The following HS3ST3A1 variants were observed in gnomAD, a reference collection of about 807,000 sequenced individuals.
HS3ST3A1 encodes the protein heparan sulfate glucosamine 3-O-sulfotransferase 3A1.
A neutral mutation model predicts 25.7 loss-of-function variants in HS3ST3A1; 19 were observed. The ratio of observed to expected loss-of-function variants is 0.74; its 90% CI spans 0.52 to 1.08. The LOEUF (loss-of-function observed/expected upper bound fraction) is 1.08, where lower values mean the gene tolerates loss of function less well. Among genes scored for constraint, HS3ST3A1 ranks in the 50% least tolerant of loss-of-function variants. The pLI is 0.00. For missense variants in HS3ST3A1, 459 were observed against 594.3 expected (o/e 0.77, Z 2.37); for synonymous variants, 226 against 278.6 (o/e 0.81, Z 1.88).
At chr17:13,556,947 A>G (rs1907397282) in intron 1 of HS3ST3A1, among the ~76,000 whole-genome samples, 1 of 152,196 alleles carries the variant, frequency 6.6e-6, no homozygotes, top group African/African-American at 2.4e-5. Context: ...ACCCAGCAGA[A>G]TATCCTCAGG....
chr17:13,521,700 A>G (rs950126950), intron 1 of HS3ST3A1, among the ~76,000 whole-genome samples: 2 of 152,200 alleles, frequency 1.3e-5, no homozygotes. Flanking sequence ...CTTCATATAG[A>G]CAAAAATTGC....
rs1033434291 is a variant in HS3ST3A1, at chr17:13,494,838, G to T, written c.*1359C>A. 1.3e-5 allele frequency among the ~76,000 whole-genome samples: 2 copies of T among 152,084 alleles called. No homozygotes were observed. Among genetic ancestry groups the T allele is most frequent in the African/African-American group, 4.8e-5 (2 of 41,404 alleles). ...GGATGGGCAGAAACAGACGAGAGAA[G>T]AGGAAAAGCCACCATTTTACCCACA... is the stretch of plus-strand genomic sequence containing the variant. On this transcript the variant is annotated 3_prime_UTR_variant, in exon 2 of 2. Coordinates refer to ENST00000284110, the MANE Select transcript of HS3ST3A1 (RefSeq NM_006042.3).
intron 1 of HS3ST3A1, among the ~76,000 whole-genome samples, chr17:13,569,052 T>C (rs1425610986): frequency 1.3e-5 from 2 of 152,160 alleles, no homozygotes; most frequent in Admixed American, 6.5e-5. Flanking sequence ...TTCTAATCTA[T>C]GAGGTCAAGG....
At chr17:13,572,356 AG>A (rs1235349336) in intron 1 of HS3ST3A1, among the ~76,000 whole-genome samples, 1 of 152,168 alleles carries the variant, frequency 6.6e-6, no homozygotes, top group Non-Finnish European at 1.5e-5. Flanking sequence ...CCTGTGTCCA[AG>A]GATCCTTTCC....
chr17:13,509,611 A>T (rs1409496892), intron 1 of HS3ST3A1, among the ~76,000 whole-genome samples: 2 of 152,206 alleles, frequency 1.3e-5, no homozygotes, highest in Non-Finnish European at 2.9e-5. Flanking sequence ...AGAGATTGAT[A>T]GGTTACAAGG....
chr17:13,513,186 TG>T (rs1905933961), intron 1 of HS3ST3A1, among the ~76,000 whole-genome samples: 1 of 152,188 alleles, frequency 6.6e-6, no homozygotes, highest in African/African-American at 2.4e-5. Context: ...CAAAAAAGCC[TG>T]GGGCTGTCAG....
At chr17:13,512,334 G>A (rs571018906) in intron 1 of HS3ST3A1, among the ~76,000 whole-genome samples, 40 of 135,234 alleles carry the variant, frequency 3.0e-4, no homozygotes, top group Non-Finnish European at 5.4e-4. Context: ...AAAACTGCAT[G>A]ATCCCATTTA....
intron 1 of HS3ST3A1, among the ~76,000 whole-genome samples, chr17:13,558,356 A>G (rs1907436161): frequency 1.3e-5 from 2 of 152,124 alleles, no homozygotes; most frequent in Non-Finnish European, 2.9e-5. Flanking sequence ...TTTCTACTAT[A>G]TACATATGGT....
chr17:13,578,976 T>C (rs1166873544), intron 1 of HS3ST3A1, among the ~76,000 whole-genome samples: 1 of 152,244 alleles, frequency 6.6e-6, no homozygotes, highest in Non-Finnish European at 1.5e-5. Flanking sequence ...CATTTATTAC[T>C]AGATAAGCTG....
At chr17:13,530,667 A>T (rs1906578056) in intron 1 of HS3ST3A1, among the ~76,000 whole-genome samples, 1 of 152,090 alleles carries the variant, frequency 6.6e-6, no homozygotes, top group African/African-American at 2.4e-5. Flanking sequence ...GGAGCCTGCC[A>T]CCACCCCAAA....
chr17:13,515,367 C>T (rs1001023629), intron 1 of HS3ST3A1, among the ~76,000 whole-genome samples: 1 of 151,896 alleles, frequency 6.6e-6, no homozygotes, highest in Non-Finnish European at 1.5e-5. Context: ...ACCATGTTGG[C>T]CAGGCTGTTC....
chr17:13,593,375 C>T (rs891674477), intron 1 of HS3ST3A1, among the ~76,000 whole-genome samples: 3 of 152,230 alleles, frequency 2.0e-5, no homozygotes, highest in African/African-American at 4.8e-5. Context: ...TTTGGGGAAC[C>T]TTTCACACCT....
intron 1 of HS3ST3A1, among the ~76,000 whole-genome samples, chr17:13,573,213 C>G (rs2142374900): frequency 6.6e-6 from 1 of 152,314 alleles, no homozygotes; most frequent in African/African-American, 2.4e-5. Context: ...CTCATCCACC[C>G]TCTCTGAATG....
intron 1 of HS3ST3A1, among the ~76,000 whole-genome samples, chr17:13,547,709 A>G (rs1273605332): frequency 2.0e-5 from 3 of 152,070 alleles, no homozygotes. Flanking sequence ...GTTCTGGCAA[A>G]TTATTGAACC....
chr17:13,575,530 A>C (rs566736015), intron 1 of HS3ST3A1, among the ~76,000 whole-genome samples: 55 of 152,282 alleles, frequency 3.6e-4, no homozygotes, highest in African/African-American at 1.3e-3. Context: ...AAAAGAATAC[A>C]AAAAATCTTC....
intron 1 of HS3ST3A1, among the ~76,000 whole-genome samples, chr17:13,517,455 A>G (rs1390137861): frequency 6.6e-6 from 1 of 152,156 alleles, no homozygotes. Flanking sequence ...TCACAGAAGG[A>G]GTACTGAATC....
At chr17:13,519,916 G>A (rs562123053) in intron 1 of HS3ST3A1, among the ~76,000 whole-genome samples, 133 of 152,254 alleles carry the variant, frequency 8.7e-4, no homozygotes, top group Middle Eastern at 6.8e-3. Context: ...GTCTTCTCCC[G>A]TGTGAAGCAT....
intron 1 of HS3ST3A1, among the ~76,000 whole-genome samples, chr17:13,507,735 C>T (rs1905729832): frequency 6.6e-6 from 1 of 152,178 alleles, no homozygotes; most frequent in Non-Finnish European, 1.5e-5. Flanking sequence ...TAAGTCTATA[C>T]AGCCAAACAG....
At position 13,578,687 on chromosome 17, in the gene HS3ST3A1, C is replaced by T. The variant is rs767536043; in HGVS notation, c.599+21844G>A. Among the ~76,000 whole-genome samples, 36 of 152,038 alleles carry T rather than the reference C, an allele frequency of 2.4e-4. 1 individual carries two copies. Among genetic ancestry groups the T allele is most frequent in the Non-Finnish European group, 4.3e-4 (29 of 68,022 alleles). On this transcript the variant is annotated intron_variant, in intron 1 of 1. Coordinates refer to ENST00000284110, the MANE Select transcript of HS3ST3A1 (RefSeq NM_006042.3). ...ATCCAGTGTTCAGTACAGTGCTTGC[C>T]ACAGGAAAGAGACTTGGTAATACTG...
Sources: allele counts gnomAD v4.1 joint callset (sites outside exome capture counted in the v4.1 genomes callset), GRCh38; gene constraint gnomAD v4.1.1; transcripts MANE v1.5; gene names NCBI Gene and HGNC (gene_info 2026-07-23, HGNC 2026-07-21).